Variants in EVC observed in about 807,000 individuals in gnomAD.
The protein encoded by EVC is EvC ciliary complex subunit 1.
A neutral mutation model predicts 118.9 loss-of-function variants in EVC; 116 were observed. That is an observed-to-expected ratio of 0.98 (90% CI 0.84 to 1.14). The LOEUF (loss-of-function observed/expected upper bound fraction) is 1.14. EVC is among the 50% of genes most tolerant of loss of function. The pLI, the probability that EVC is intolerant of heterozygous loss-of-function variation, is 0.00. For missense variants in EVC, 1,401 were observed against 1,246.4 expected, an observed-to-expected ratio of 1.12 and a Z score of -1.87; for synonymous variants, 619 against 534.7, an observed-to-expected ratio of 1.16 and a Z score of -2.18.
At chr4:5,787,820 C>A (rs756761622) in intron 12 of EVC, among the ~76,000 whole-genome samples, 1 of 152,132 alleles carries the variant, frequency 6.6e-6, no homozygotes, top group African/African-American at 2.4e-5. Flanking sequence ...ACTCTCCTCT[C>A]CCTCTGGCTC....
chr4:5,810,269 G>C (rs1273868278), intron 19 of EVC, 70 bp from the exon 20 acceptor site: 1 of 1,233,198 alleles, frequency 8.1e-7, no homozygotes, highest in African/African-American at 1.5e-5. Context: ...CTGGGTTGGT[G>C]TGAGGCTGCA....
At chr4:5,752,669 G>A (rs6810769) in intron 8 of EVC, 167 bp from the exon 9 acceptor site, 122 of 747,598 alleles carry the variant, frequency 1.6e-4, no homozygotes, top group Non-Finnish European at 2.6e-4. Flanking sequence ...GGGGGCAGAC[G>A]CAGATCTCGC....
At chr4:5,808,152 T>A in intron 17 of EVC, 49 bp from the exon 18 acceptor site, 1 of 268,530 alleles carries the variant, frequency 3.7e-6, no homozygotes, top group East Asian at 1.2e-4. Context: ...CCTCCCTCCC[T>A]CCCTCCCTTC....
the EVC span, chr4:5,824,854 G>GC: frequency 1.0e-6 from 1 of 985,354 alleles, no homozygotes; most frequent in East Asian, 1.1e-4. Context: ...CCCTCATGTG[G>GC]CCATCTCACC....
rs557168798 is a variant in EVC, at chr4:5,738,696, A to T, written c.703-3020A>T. ...ATTCTCCCGCCTCAGCCTCCCGAGC[A>T]GCTGGGACCACAGGCGCGCACCACC... is the stretch of plus-strand genomic sequence containing the variant. On this transcript the variant is annotated intron_variant, in intron 5 of 20. Coordinates refer to ENST00000264956, the MANE Select transcript of EVC (RefSeq NM_153717.3). This position sits in a 1 kb window ranked among gnomAD's most constrained non-coding sequence, Gnocchi z 6.5. Among the ~76,000 whole-genome samples the T allele has an allele frequency of 7.9e-5, 12 of 151,786 alleles. No individual in the cohort carries two copies. The South Asian group carries it at 1.9e-3, about 24-fold the overall frequency.
At chr4:5,787,622 A>G (rs1311620788) in intron 12 of EVC, among the ~76,000 whole-genome samples, 1 of 152,226 alleles carries the variant, frequency 6.6e-6, no homozygotes, top group Non-Finnish European at 1.5e-5. Flanking sequence ...CCAGAAGCGT[A>G]AGGTAATAAG....
At chr4:5,778,449 C>A (rs2152266331) in intron 11 of EVC, among the ~76,000 whole-genome samples, 1 of 150,694 alleles carries the variant, frequency 6.6e-6, no homozygotes, top group African/African-American at 2.4e-5. Context: ...GTTTACAGTC[C>A]CACCAACAGT....
intron 18 of EVC, 38 bp from the exon 19 acceptor site, chr4:5,809,480 G>C: frequency 1.3e-6 from 2 of 1,582,530 alleles, no homozygotes; most frequent in Non-Finnish European, 1.7e-6. Flanking sequence ...AAGTCAGAGG[G>C]AGGCCCAGCT....
At position 5,804,805 on chromosome 4, in the gene EVC, G is replaced by T; in HGVS notation, c.2525G>T (p.Gly842Val). 2.0e-5 allele frequency: 33 copies of T among 1,614,156 alleles called. No individual in the cohort carries two copies. The highest frequency in any genetic ancestry group is 2.8e-5 in the Non-Finnish European group (33 of 1,180,044). Residue 842 changes from glycine to valine, a missense_variant, in exon 17 of 21, where the codon GGT (glycine) becomes GTT (valine). Coordinates refer to ENST00000264956, the MANE Select transcript of EVC (RefSeq NM_153717.3). ...SNPSSGSRTA[G>V]GAHETSQAVH... ...CCTTCGTCGGGCAGCAGGACGGCAG[G>T]TGGCGCTCATGAGACCTCCCAGGCG...
At chr4:5,745,789 T>C (rs1270256818) in intron 7 of EVC, among the ~76,000 whole-genome samples, 1 of 152,218 alleles carries the variant, frequency 6.6e-6, no homozygotes, top group Non-Finnish European at 1.5e-5. Context: ...AACAAACATG[T>C]CCTTGGCACT....
intron 5 of EVC, among the ~76,000 whole-genome samples, chr4:5,740,905 T>A (rs1728468128): frequency 6.6e-6 from 1 of 152,148 alleles, no homozygotes; most frequent in African/African-American, 2.4e-5. Context: ...CACACACTTG[T>A]CAAAATGGCT....
intron 19 of EVC, 82 bp downstream of exon 19, chr4:5,809,693 T>G: frequency 3.3e-6 from 4 of 1,221,722 alleles, no homozygotes; most frequent in South Asian, 1.3e-5. Flanking sequence ...GGCCACTAAC[T>G]AGCTGTGTGA....
chr4:5,792,454 A>C (rs1291219399), intron 12 of EVC, among the ~76,000 whole-genome samples: 1 of 152,228 alleles, frequency 6.6e-6, no homozygotes, highest in Non-Finnish European at 1.5e-5. Flanking sequence ...ATTTAGCCAC[A>C]AAACACATGA....
intron 12 of EVC, among the ~76,000 whole-genome samples, chr4:5,786,317 ACT>A (rs1393155805): frequency 6.6e-6 from 1 of 151,960 alleles, no homozygotes; most frequent in Non-Finnish European, 1.5e-5. Flanking sequence ...TTCATCTAAA[ACT>A]CTCTGGTTAG....
chr4:5,752,259 G>A (rs1000668144), intron 8 of EVC, among the ~76,000 whole-genome samples: 7 of 152,146 alleles, frequency 4.6e-5, no homozygotes, highest in African/African-American at 9.7e-5. Context: ...GGCTGCCTCC[G>A]GTTGACATTT....
intron 5 of EVC, among the ~76,000 whole-genome samples, chr4:5,741,395 A>G (rs1371680822): frequency 1.3e-5 from 2 of 152,254 alleles, no homozygotes; most frequent in Admixed American, 1.3e-4. Flanking sequence ...TGCTTTTTAT[A>G]TTTTCTTCAC....
chr4:5,767,907 C>T (rs952151540), intron 11 of EVC, among the ~76,000 whole-genome samples: 4 of 152,204 alleles, frequency 2.6e-5, no homozygotes, highest in African/African-American at 4.8e-5. Flanking sequence ...TGTTCCTATT[C>T]GGCCATCTTG....
At chr4:5,805,464 G>A (rs1715717706) in intron 17 of EVC, among the ~76,000 whole-genome samples, 1 of 152,174 alleles carries the variant, frequency 6.6e-6, no homozygotes, top group African/African-American at 2.4e-5. Context: ...CCCTGCTGCA[G>A]GGTTTGCACA....
At chr4:5,714,980 T>C (rs1338716229) in intron 1 of EVC, among the ~76,000 whole-genome samples, 1 of 151,774 alleles carries the variant, frequency 6.6e-6, no homozygotes, top group Non-Finnish European at 1.5e-5. Context: ...AATTTTTTTT[T>C]TTTTTCTATT....
Sources: allele counts gnomAD v4.1 joint callset (sites outside exome capture counted in the v4.1 genomes callset), GRCh38; gene constraint gnomAD v4.1.1; non-coding constraint Gnocchi (gnomAD v3.1); transcripts MANE v1.5; gene names NCBI Gene and HGNC (gene_info 2026-07-23, HGNC 2026-07-21).